Variants in CAST observed in about 807,000 individuals in gnomAD.
The protein encoded by CAST is MIR583 host.
A neutral mutation model predicts 119.6 loss-of-function variants in CAST; 76 were observed. The ratio of observed to expected loss-of-function variants is 0.64; its 90% CI spans 0.53 to 0.77. CAST has a LOEUF of 0.77. Among genes scored for constraint, CAST ranks in the 30% least tolerant of loss-of-function variants. The probability of loss-of-function intolerance (pLI) is 0.00; values close to 1 mark genes in which losing one functional copy is unlikely to be tolerated. For missense variants in CAST, 953 were observed against 946.5 expected, an observed-to-expected ratio of 1.01 and a Z score of -0.09; for synonymous variants, 319 against 331.6, an observed-to-expected ratio of 0.96 and a Z score of 0.41.
the CAST span, among the ~76,000 whole-genome samples, chr5:96,510,488 T>C: frequency 6.6e-6 from 1 of 152,186 alleles, no homozygotes; most frequent in Non-Finnish European, 1.5e-5. Context: ...TAATGGTTTG[T>C]TTTTTTCCCA....
At chr5:96,303,519 G>A in the CAST span, among the ~76,000 whole-genome samples, 1 of 152,088 alleles carries the variant, frequency 6.6e-6, no homozygotes, top group Non-Finnish European at 1.5e-5. Context: ...GTGCAGGTTT[G>A]TAACATAGGT....
chr5:96,309,398 G>A, the CAST span, among the ~76,000 whole-genome samples: 2 of 152,338 alleles, frequency 1.3e-5, no homozygotes, highest in African/African-American at 2.4e-5. Context: ...CCCCATAGGG[G>A]TGGGACCTGC....
chr5:96,668,079 C>T (rs1441131116), intron 1 of CAST, among the ~76,000 whole-genome samples: 1 of 152,106 alleles, frequency 6.6e-6, no homozygotes, highest in Non-Finnish European at 1.5e-5. Flanking sequence ...TCATTGGTGT[C>T]AATAATTGTC....
chr5:96,550,272 G>T (rs1002712207), intron 1 of CAST, among the ~76,000 whole-genome samples: 6 of 152,208 alleles, frequency 3.9e-5, no homozygotes, highest in Non-Finnish European at 7.3e-5. Context: ...CAGGCAAACA[G>T]GGTCTGGAGT....
intron 3 of CAST, among the ~76,000 whole-genome samples, chr5:96,704,689 C>T (rs1303551749): frequency 2.0e-5 from 3 of 152,156 alleles, no homozygotes; most frequent in East Asian, 3.8e-4. Context: ...GGAGATCATA[C>T]GAATCTGGGA....
At chr5:96,525,760 C>G (rs1424585175), upstream of CAST, among the ~76,000 whole-genome samples, 1 of 152,064 alleles carries the variant, frequency 6.6e-6, no homozygotes, top group Non-Finnish European at 1.5e-5. Flanking sequence ...AACAAAAAAA[C>G]TGTAAATGTG....
the CAST span, among the ~76,000 whole-genome samples, chr5:96,012,266 A>G: frequency 6.6e-6 from 1 of 151,878 alleles, no homozygotes; most frequent in African/African-American, 2.4e-5. Context: ...ACTTTAATCA[A>G]TCAGTCTTTT....
intron 1 of CAST, among the ~76,000 whole-genome samples, chr5:96,640,010 G>GA (rs1003411847): frequency 5.9e-5 from 9 of 151,552 alleles, no homozygotes; most frequent in African/African-American, 9.7e-5. Context: ...GAGTAAACCA[G>GA]AAAAAAAAGA....
At chr5:96,471,043 C>A in the CAST span, among the ~76,000 whole-genome samples, 4 of 152,002 alleles carry the variant, frequency 2.6e-5, no homozygotes, top group African/African-American at 9.7e-5. Flanking sequence ...AATAGTCCTG[C>A]AGCCAGATTA....
At chr5:96,512,702 T>C in the CAST span, among the ~76,000 whole-genome samples, 4 of 152,224 alleles carry the variant, frequency 2.6e-5, no homozygotes, top group Non-Finnish European at 5.9e-5. Flanking sequence ...AAAATGTGAC[T>C]ATCAAGATAT....
the CAST span, among the ~76,000 whole-genome samples, chr5:96,323,588 AT>A: frequency 1.3e-4 from 19 of 151,984 alleles, no homozygotes; most frequent in Admixed American, 7.2e-4. Flanking sequence ...TTTCTTTTTA[AT>A]TTTTTTCTTT....
chr5:96,601,720 A>G (rs567092390), intron 1 of CAST, among the ~76,000 whole-genome samples: 63 of 152,320 alleles, frequency 4.1e-4, no homozygotes, highest in Middle Eastern at 3.4e-3. Context: ...ATCTGAAAAT[A>G]AAGTTTCAGG....
At chr5:95,966,564 C>G in the CAST span, among the ~76,000 whole-genome samples, 1 of 151,932 alleles carries the variant, frequency 6.6e-6, no homozygotes, top group Non-Finnish European at 1.5e-5. Flanking sequence ...CTAGAAGAGT[C>G]TGGTTATTTA....
chr5:96,130,987 C>T, the CAST span, among the ~76,000 whole-genome samples: 1 of 152,066 alleles, frequency 6.6e-6, no homozygotes. Context: ...CAATAAGAAA[C>T]ATACATACAC....
At chr5:96,067,946 G>A in the CAST span, among the ~76,000 whole-genome samples, 1 of 152,018 alleles carries the variant, frequency 6.6e-6, no homozygotes, top group Admixed American at 6.5e-5. Flanking sequence ...TTTAAATGCA[G>A]CCCTGGCTGG....
chr5:96,536,766 TC>T (rs1179849929), intron 1 of CAST, among the ~76,000 whole-genome samples: 1 of 152,184 alleles, frequency 6.6e-6, no homozygotes. Flanking sequence ...TGAGAAATGC[TC>T]CCCTCCCAAA....
the CAST span, among the ~76,000 whole-genome samples, chr5:96,320,195 A>C: frequency 6.6e-6 from 1 of 151,488 alleles, no homozygotes; most frequent in Non-Finnish European, 1.5e-5. Flanking sequence ...CAGCTCATTA[A>C]AAAGGCTGTG....
At chr5:96,469,113 A>T in the CAST span, among the ~76,000 whole-genome samples, 1 of 152,054 alleles carries the variant, frequency 6.6e-6, no homozygotes, top group Non-Finnish European at 1.5e-5. Context: ...TGACAGGGAG[A>T]CCATAGCTAT....
chr5:96,231,052 C>A, the CAST span, among the ~76,000 whole-genome samples: 1 of 152,062 alleles, frequency 6.6e-6, no homozygotes, highest in African/African-American at 2.4e-5. Flanking sequence ...ATGGTACAGT[C>A]ACCTTGGAAA....
Sources: gnomAD v4.1 joint callset for allele counts (sites outside exome capture counted in the v4.1 genomes callset) on GRCh38, gnomAD v4.1.1 for gene constraint, MANE v1.5 for transcripts, NCBI Gene and HGNC (gene_info 2026-07-23, HGNC 2026-07-21) for gene names.